GABPB2: variants seen among roughly 807,000 people sequenced by gnomAD.
GABPB2 encodes GA binding protein transcription factor subunit beta 2.
In GABPB2, 23 loss-of-function variants were observed where a neutral mutation model predicts 39.1. The ratio of observed to expected loss-of-function variants is 0.59; its 90% confidence interval spans 0.42 to 0.83. The LOEUF is 0.83. GABPB2 is among the 40% of genes least tolerant of loss of function. GABPB2 has a pLI of 0.00. For synonymous variants in GABPB2, 184 were observed against 199.3 expected, an observed-to-expected ratio of 0.92 and a Z score of 0.65; for missense variants, 467 against 541.1, an observed-to-expected ratio of 0.86 and a Z score of 1.36.
chr1:151,082,076 C>CTTT (rs1215494134), intron 1 of GABPB2, among the ~76,000 whole-genome samples: 11 of 131,600 alleles, frequency 8.4e-5, no homozygotes, highest in Non-Finnish European at 1.3e-4. Flanking sequence ...ATTTCTTTTT[C>CTTT]TTTTTTTTTT....
rs1679212457 is a variant in GABPB2, at chr1:151,097,852, G to A, written c.472G>A (p.Glu158Lys). 1 of 1,613,000 alleles carries A rather than the reference G, an allele frequency of 6.2e-7. No homozygotes were observed. The highest frequency in any genetic ancestry group is 8.5e-7 in the Non-Finnish European group (1 of 1,179,354). Residue 158 changes from glutamate (E) to lysine (K), a missense_variant and splice_region_variant, in exon 5 of 9, where the codon GAA (glutamate) becomes AAA (lysine). Physicochemically the swap from Glu to Lys is moderately conservative, Grantham distance 56. Transcript: ENST00000368918. ...NNAEILVILQ[E>K]AMQNQVNVNP... ...TGAAATATCCTGCCTTGTTTGATAG[G>A]AAGCAATGCAGAATCAGGTGAATGT...
intron 1 of GABPB2, among the ~76,000 whole-genome samples, chr1:151,085,606 A>AAC (rs1192717812): frequency 6.0e-5 from 9 of 150,102 alleles, no homozygotes; most frequent in Non-Finnish European, 1.0e-4. Flanking sequence ...ACACCTGGCT[A>AAC]ATATATATAT....
chr1:151,071,577 C>G (rs1047670049), intron 1 of GABPB2, among the ~76,000 whole-genome samples: 1 of 149,178 alleles, frequency 6.7e-6, no homozygotes. Flanking sequence ...TCAAGCGATT[C>G]TCCTGCCTCA....
chr1:151,092,670 C>G lies in GABPB2; in HGVS notation c.277-522C>G, dbSNP rs587722175. Among the ~76,000 whole-genome samples, 189 of 150,196 alleles carry G rather than the reference C, an allele frequency of 1.3e-3. 1 individual carries two copies. The highest frequency in any genetic ancestry group is 4.5e-3 in the African/African-American group (185 of 40,896). On this transcript the variant is annotated intron_variant, in intron 3 of 8. Transcript: ENST00000368918. The stretch of plus-strand genomic sequence containing the variant: ...GGTGGTGCAGCCTCCACCTCCCAGG[C>G]TCAAGAGATTCTCCTACCTCAGCCT...
intron 5 of GABPB2, among the ~76,000 whole-genome samples, chr1:151,100,730 G>A (rs1030177526): frequency 3.3e-5 from 5 of 150,370 alleles, no homozygotes; most frequent in African/African-American, 1.2e-4. Flanking sequence ...CTGGGATACT[G>A]GTGCCTGCCA....
chr1:151,073,561 G>A (rs1676900181), intron 1 of GABPB2, among the ~76,000 whole-genome samples: 1 of 152,078 alleles, frequency 6.6e-6, no homozygotes, highest in Non-Finnish European at 1.5e-5. Context: ...CCCTCAAAAT[G>A]CTGTGTTTTT....
intron 1 of GABPB2, among the ~76,000 whole-genome samples, chr1:151,081,922 C>T (rs1677737794): frequency 6.6e-6 from 1 of 152,070 alleles, no homozygotes; most frequent in Non-Finnish European, 1.5e-5. Flanking sequence ...CAGGCGTGAG[C>T]CACCGCACCC....
chr1:151,083,171 A>G (rs1327909408), intron 1 of GABPB2, among the ~76,000 whole-genome samples: 1 of 152,162 alleles, frequency 6.6e-6, no homozygotes, highest in Non-Finnish European at 1.5e-5. Flanking sequence ...TCATCTAAAT[A>G]TTGATGCATT....
Position 151,114,637 on chromosome 1 carries a change from G to A in GABPB2, c.923-2755G>A, listed in dbSNP as rs1212234634. Among the ~76,000 whole-genome samples the A allele has an allele frequency of 2.0e-5, 3 of 152,022 alleles. No individual in the cohort carries two copies. The East Asian group carries it at 5.8e-4, about 29-fold the overall frequency. On this transcript the variant is annotated intron_variant, in intron 7 of 8. Transcript: ENST00000368918. ...CTCTTGAACCCAGGAGGTGGAGGTT[G>A]CAGTGAGCCGAGATTGTGCCACTGT...
intron 3 of GABPB2, among the ~76,000 whole-genome samples, chr1:151,092,714 C>T (rs193055609): frequency 6.5e-4 from 99 of 151,876 alleles, no homozygotes; most frequent in African/African-American, 2.3e-3. Context: ...GCTGGGACAA[C>T]GGGCATGTAC....
At chr1:151,074,227 A>G (rs1238853920) in intron 1 of GABPB2, among the ~76,000 whole-genome samples, 3 of 151,162 alleles carry the variant, frequency 2.0e-5, no homozygotes, top group Non-Finnish European at 4.4e-5. Flanking sequence ...CTCCCGCCTC[A>G]GCCTCCCAAA....
intron 5 of GABPB2, among the ~76,000 whole-genome samples, chr1:151,103,255 T>C (rs1679683865): frequency 6.6e-6 from 1 of 151,698 alleles, no homozygotes; most frequent in Non-Finnish European, 1.5e-5. Flanking sequence ...TTCACCATGT[T>C]AGCCAGGATG....
chr1:151,110,005 A>AT (rs71577269), intron 7 of GABPB2, among the ~76,000 whole-genome samples: 896 of 60,710 alleles, frequency 0.015, 276 homozygotes, highest in Non-Finnish European at 0.021. Flanking sequence ...TGCCCAGCTA[A>AT]TTTTTTTTTT....
chr1:151,093,392 G>A lies in GABPB2; in HGVS notation c.471+6G>A. On this transcript the variant is annotated splice_donor_region_variant and intron_variant, in intron 4 of 8. Transcript: ENST00000368918. The stretch of plus-strand genomic sequence containing the variant: ...AGATTTTGGTCATCCTCCAGGTGTG[G>A]TTCTTTTTATACTCTCCAGAATGTA... 1 of 1,573,744 alleles carries A rather than the reference G, an allele frequency of 6.4e-7. No homozygotes were observed. Among genetic ancestry groups the A allele is most frequent in the Non-Finnish European group, 8.6e-7 (1 of 1,160,064 alleles).
At chr1:151,091,082 TTTTG>T (rs1312125423) in intron 3 of GABPB2, among the ~76,000 whole-genome samples, 62 of 151,972 alleles carry the variant, frequency 4.1e-4, no homozygotes, top group Admixed American at 6.6e-4. Flanking sequence ...CTTATTTATT[TTTTG>T]TTTGTTTGTT....
At chr1:151,082,371 C>G (rs982616485) in intron 1 of GABPB2, among the ~76,000 whole-genome samples, 1 of 138,500 alleles carries the variant, frequency 7.2e-6, no homozygotes, top group African/African-American at 2.7e-5. Flanking sequence ...GCCACTGCGT[C>G]TGGCCAACAA....
chr1:151,090,330 G>C (rs587736858), intron 2 of GABPB2, 76 bp from the exon 3 acceptor site: 15 of 1,320,032 alleles, frequency 1.1e-5, no homozygotes, highest in Non-Finnish European at 1.6e-5. Flanking sequence ...ACCATAGCTT[G>C]TTCATTTGTA....
intron 3 of GABPB2, among the ~76,000 whole-genome samples, chr1:151,091,573 C>A (rs940662406): frequency 2.0e-5 from 3 of 146,672 alleles, no homozygotes; most frequent in Non-Finnish European, 4.5e-5. Context: ...CTCCTGGGTT[C>A]AAGCGATTCT....
At chr1:151,073,375 G>A (rs1676881510) in intron 1 of GABPB2, among the ~76,000 whole-genome samples, 1 of 152,086 alleles carries the variant, frequency 6.6e-6, no homozygotes, top group South Asian at 2.1e-4. Flanking sequence ...GAAAGTGGAG[G>A]TACAGCCAGC....
Sources: gnomAD v4.1 joint callset for allele counts (sites outside exome capture counted in the v4.1 genomes callset) on GRCh38, gnomAD v4.1.1 for gene constraint, MANE v1.5 for transcripts, NCBI Gene and HGNC (gene_info 2026-07-23, HGNC 2026-07-21) for gene names.